Variants in DEGS2 observed in about 807,000 individuals in gnomAD.
The protein encoded by DEGS2 is sphingolipid delta(4)-desaturase/C4-monooxygenase DES2.
A neutral mutation model predicts 23.8 loss-of-function variants in DEGS2; 19 were observed. The observed-to-expected ratio is 0.80, with a 90% CI of 0.56 to 1.17. The LOEUF (loss-of-function observed/expected upper bound fraction) is 1.17. DEGS2 is among the 50% of genes most tolerant of loss of function. DEGS2 has a pLI of 0.00. For missense variants in DEGS2, 390 were observed against 459.5 expected (o/e 0.85, Z 1.38); for synonymous variants, 218 against 213.7 (o/e 1.02, Z -0.18).
chr14:100,166,474 C>T, the DEGS2 span, among the ~76,000 whole-genome samples: 1 of 152,014 alleles, frequency 6.6e-6, no homozygotes, highest in Non-Finnish European at 1.5e-5. Context: ...GGACCAGGGG[C>T]ACAATGTTTC....
intron 1 of DEGS2, among the ~76,000 whole-genome samples, chr14:100,153,365 T>C (rs1889608331): frequency 6.6e-6 from 1 of 151,452 alleles, no homozygotes; most frequent in Non-Finnish European, 1.5e-5. Flanking sequence ...AGAACACTAA[T>C]ACAGGGCCTC....
upstream of DEGS2, among the ~76,000 whole-genome samples, chr14:100,160,691 G>A (rs983335176): frequency 2.0e-5 from 3 of 152,230 alleles, no homozygotes; most frequent in Non-Finnish European, 2.9e-5. Context: ...TAGTGAGGGC[G>A]TGCTTCTGTG....
chr14:100,149,287 A>G lies in DEGS2; in HGVS notation c.506T>C (p.Phe169Ser). ...GACGCAGAGCGGCCGTAGTGAGTAG[A>G]AGAAGGGCTGCAGCACCAGCCAGAG... The part of the protein sequence containing the change: ...KLLWLVLQPF[F>S]YSLRPLCVHP... The change falls in exon 2 of 3, where the codon TTC becomes TCC. Residue 169 changes from phenylalanine (F) to serine (S), a missense_variant. By Grantham distance (155) the Phe-to-Ser change is radical (BLOSUM62 -2). Coordinates refer to ENST00000305631, the MANE Select transcript of DEGS2 (RefSeq NM_206918.3). The G allele has an allele frequency of 1.2e-6, 2 of 1,612,656 alleles. No individual in the cohort carries two copies. The highest frequency in any genetic ancestry group is 1.7e-6 in the Non-Finnish European group (2 of 1,179,764).
chr14:100,164,129 C>G, upstream of DEGS2, among the ~76,000 whole-genome samples: 1 of 152,078 alleles, frequency 6.6e-6, no homozygotes, highest in Non-Finnish European at 1.5e-5. Flanking sequence ...TGGCTTGAGC[C>G]TCCATGTTCC....
intron 2 of DEGS2, among the ~76,000 whole-genome samples, chr14:100,147,658 G>GCCCCCCC (rs10709140): frequency 2.5e-5 from 2 of 81,334 alleles, no homozygotes; most frequent in Non-Finnish European, 5.1e-5. Context: ...TGCCCTCCCT[G>GCCCCCCC]CCCCCCCCCC....
At chr14:100,166,266 G>GGGAGCCTGTCCGGGGGAGTGGGA in the DEGS2 span, among the ~76,000 whole-genome samples, 7 of 16,736 alleles carry the variant, frequency 4.2e-4, 1 homozygote, top group Non-Finnish European at 7.2e-4. Flanking sequence ...GGGGAGTGGG[G>GGGAGCCTGTCCGGGGGAGTGGGA]GGAGCCTGTC....
intron 1 of DEGS2, 49 bp downstream of exon 1, chr14:100,159,457 C>G: frequency 7.1e-7 from 1 of 1,403,232 alleles, no homozygotes; most frequent in Non-Finnish European, 9.4e-7. Flanking sequence ...CGACTCCAGA[C>G]GGGCCAACGG....
rs1474554242 is a variant in DEGS2, at chr14:100,144,982, T to A, written c.*1779A>T. On this transcript the variant is annotated 3_prime_UTR_variant, in exon 3 of 3. Coordinates refer to ENST00000305631, the MANE Select transcript of DEGS2 (RefSeq NM_206918.3). Reference sequence around the variant, plus strand: ...TGCTCTGCCCCTTAGGAGGCTCCACTCTCTGAGTGGCTTCGCCTAGGCTTC... The same window carrying A: ...TGCTCTGCCCCTTAGGAGGCTCCACACTCTGAGTGGCTTCGCCTAGGCTTC... 2.0e-5 allele frequency: 3 copies of A among 152,250 alleles called. No homozygotes were observed. The highest frequency in any genetic ancestry group is 4.8e-5 in the African/African-American group (2 of 41,442). 9.4% of individuals were successfully genotyped at this position (152,250 alleles called of 1,614,324 possible). A position where few individuals can be genotyped will look rare whatever the true frequency, so the allele number is the denominator to read the frequency against.
Position 100,159,505 on chromosome 14 carries a change from C to G in DEGS2, c.82+1G>C. ...CGGGGTGGGCCCCGCGCGGCGCTCA[C>G]CCAGTATCTCCTTGCGCCGCTGCGT... On this transcript the variant is annotated splice_donor_variant, in intron 1 of 2. Transcript: ENST00000305631. LOFTEE classifies it high-confidence loss of function. The G allele has an allele frequency of 6.7e-7, 1 of 1,494,502 alleles. No homozygotes were observed. The highest frequency in any genetic ancestry group is 2.8e-5 in the East Asian group (1 of 35,164). The allele number at this position is 1,494,502 out of a possible 1,614,324, so 92.6% of individuals were successfully genotyped here.
chr14:100,154,301 G>A (rs2140423845), intron 1 of DEGS2, among the ~76,000 whole-genome samples: 1 of 151,486 alleles, frequency 6.6e-6, no homozygotes, highest in South Asian at 2.1e-4. Flanking sequence ...GGAGGCAGAG[G>A]TTGCAGTGAG....
In DEGS2 at chr14:100,149,680, C is replaced by G; in HGVS notation, c.113G>C (p.Arg38Pro). The part of the protein sequence containing the change: ...AKYPAIKALM[R>P]PDPRLKWAVL... ...CGCCCACTTGAGGCGCGGGTCTGGC[C>G]GCATCAGGGCCTTGATGGCCGGGTA... The change falls in exon 2 of 3, where the codon CGG becomes CCG. Residue 38 changes from arginine (R) to proline (P), a missense_variant. Coordinates refer to ENST00000305631, the MANE Select transcript of DEGS2 (RefSeq NM_206918.3). The G allele has an allele frequency of 1.9e-6, 3 of 1,607,794 alleles. No homozygotes were observed. The highest frequency in any genetic ancestry group is 1.1e-5 in the South Asian group (1 of 90,576).
chr14:100,149,717 G>C lies in DEGS2; in HGVS notation c.83-7C>G, dbSNP rs368139715. The C allele has an allele frequency of 1.0e-5, 16 of 1,589,074 alleles. No homozygotes were observed. Reference sequence around the variant, plus strand: ...TTGATGGCCGGGTACTTGGCTGCAAGGAAGACAGGGAGGTATGAGGCCCCG... The same window carrying C: ...TTGATGGCCGGGTACTTGGCTGCAACGAAGACAGGGAGGTATGAGGCCCCG... On this transcript the variant is annotated splice_region_variant and splice_polypyrimidine_tract_variant and intron_variant, in intron 1 of 2. Coordinates refer to ENST00000305631, the MANE Select transcript of DEGS2 (RefSeq NM_206918.3).
intron 1 of DEGS2, among the ~76,000 whole-genome samples, chr14:100,155,031 G>T (rs1889635731): frequency 6.6e-6 from 1 of 152,186 alleles, no homozygotes; most frequent in African/African-American, 2.4e-5. Flanking sequence ...CATCTAGGGA[G>T]ACCTGCTGTA....
chr14:100,163,536 CCA>C (rs1200466171), upstream of DEGS2, among the ~76,000 whole-genome samples: 2 of 152,146 alleles, frequency 1.3e-5, no homozygotes, highest in East Asian at 3.8e-4. Context: ...GTTTCAGGAT[CCA>C]AGCGGCCTCA....
intron 1 of DEGS2, among the ~76,000 whole-genome samples, chr14:100,153,703 G>C (rs1246830177): frequency 6.6e-6 from 1 of 152,222 alleles, no homozygotes; most frequent in African/African-American, 2.4e-5. Context: ...GTGCCTTGAG[G>C]GCTCTCTGCT....
Position 100,148,990 on chromosome 14 carries a change from A to T in DEGS2, c.803T>A (p.Ile268Asn), listed in dbSNP as rs1889509345. The T allele has an allele frequency of 4.3e-6, 7 of 1,612,376 alleles. No homozygotes were observed. The highest frequency in any genetic ancestry group is 5.9e-6 in the Non-Finnish European group (7 of 1,179,620). The change falls in exon 2 of 3, where the codon ATC becomes AAC. Residue 268 changes from isoleucine (I) to asparagine (N), a missense_variant. Ile to Asn is a moderately radical substitution (Grantham distance 149). Coordinates refer to ENST00000305631, the MANE Select transcript of DEGS2 (RefSeq NM_206918.3). ...YHVEHHDFPS[I>N]PGYNLPLVRK... is the part of the protein sequence containing the mutation. ...TACCAGCGGCAGGTTGTAGCCCGGG[A>T]TGCTGGGGAAGTCGTGGTGCTCCAC... is the stretch of plus-strand genomic sequence containing the variant.
At chr14:100,150,039 G>C (rs1889540407) in intron 1 of DEGS2, among the ~76,000 whole-genome samples, 3 of 152,234 alleles carry the variant, frequency 2.0e-5, no homozygotes. Context: ...CGATTCAGAG[G>C]CTGTGCCTTG....
chr14:100,150,886 C>T (rs1280331031), intron 1 of DEGS2, among the ~76,000 whole-genome samples: 3 of 152,178 alleles, frequency 2.0e-5, no homozygotes, highest in Admixed American at 6.5e-5. Context: ...GCCCCTCACC[C>T]GGCCCCAGCT....
At chr14:100,152,078 G>T (rs1437155451) in intron 1 of DEGS2, among the ~76,000 whole-genome samples, 1 of 152,152 alleles carries the variant, frequency 6.6e-6, no homozygotes, top group Non-Finnish European at 1.5e-5. Flanking sequence ...AGAGGTTCAG[G>T]GACAAGAAGA....
Sources: gnomAD v4.1 joint callset for allele counts (sites outside exome capture counted in the v4.1 genomes callset) on GRCh38, gnomAD v4.1.1 for gene constraint, MANE v1.5 for transcripts, NCBI Gene and HGNC (gene_info 2026-07-23, HGNC 2026-07-21) for gene names.